DRG1: variants seen among roughly 807,000 people sequenced by gnomAD.
The protein encoded by DRG1 is developmentally regulated GTP binding protein 1.
DRG1 carries 19 observed loss-of-function variants against 38.8 expected under a neutral mutation model. The observed-to-expected ratio is 0.49, with a 90% confidence interval of 0.34 to 0.72. DRG1 has a LOEUF of 0.72. Among genes scored for constraint, DRG1 ranks in the 30% least tolerant of loss-of-function variants. DRG1 has a pLI of 0.01. For missense variants in DRG1, 299 were observed against 444.8 expected, an observed-to-expected ratio of 0.67 and a Z score of 2.95; for synonymous variants, 167 against 157.5, an observed-to-expected ratio of 1.06 and a Z score of -0.45.
intron 3 of DRG1, among the ~76,000 whole-genome samples, chr22:31,410,426 G>C (rs2050012008): frequency 6.6e-6 from 1 of 152,014 alleles, no homozygotes; most frequent in African/African-American, 2.4e-5. Context: ...CTGCACTCCA[G>C]CTTGGGCGGC....
chr22:31,407,447 C>T (rs1429524169), intron 3 of DRG1, among the ~76,000 whole-genome samples: 1 of 152,028 alleles, frequency 6.6e-6, no homozygotes, highest in East Asian at 1.9e-4. Flanking sequence ...GTGATCCTCC[C>T]ACCGTAGCCT....
chr22:31,400,421 C>T (rs746601680), intron 1 of DRG1, among the ~76,000 whole-genome samples, 199 bp from the exon 2 acceptor site: 1 of 152,070 alleles, frequency 6.6e-6, no homozygotes, highest in African/African-American at 2.4e-5. Context: ...TGACCTTAAT[C>T]GTCTTTCCTC....
intron 3 of DRG1, among the ~76,000 whole-genome samples, chr22:31,408,752 C>CAAAAA (rs66474618): frequency 1.8e-5 from 2 of 111,484 alleles, no homozygotes; most frequent in Admixed American, 1.0e-4. Flanking sequence ...GACTCATTCT[C>CAAAAA]AAAAAAAAAA....
intron 4 of DRG1, among the ~76,000 whole-genome samples, chr22:31,412,348 CTTTCT>C (rs1474464552): frequency 2.8e-5 from 4 of 144,622 alleles, no homozygotes; most frequent in Non-Finnish European, 3.0e-5. Flanking sequence ...TATTTTCTTT[CTTTCT>C]TTTTTTTTTT....
intron 3 of DRG1, among the ~76,000 whole-genome samples, chr22:31,405,945 C>T (rs373291375): frequency 6.6e-6 from 1 of 152,196 alleles, no homozygotes; most frequent in African/African-American, 2.4e-5. Context: ...GCCTCGGCCT[C>T]CCAAAGTGCT....
Position 31,433,910 on chromosome 22 carries a change from A to G in DRG1, c.1043A>G (p.Gln348Arg). The change falls in exon 9 of 9, where the codon CAG (glutamine) becomes CGG (arginine). Residue 348 changes from glutamine to arginine, a missense_variant. Gln to Arg is a conservative substitution (Grantham distance 43, BLOSUM62 1). Coordinates refer to ENST00000331457, the MANE Select transcript of DRG1 (RefSeq NM_004147.4). Reference protein sequence around the residue: ...VWGLSVKHNPQKVGKDHTLED... With the variant: ...VWGLSVKHNPRKVGKDHTLED... The stretch of plus-strand genomic sequence containing the variant: ...GGTCTCTCTGTGAAACACAATCCTC[A>G]GAAAGTGGGTAAAGACCATACGTTG... 1.2e-6 allele frequency: 2 copies of G among 1,614,140 alleles called. No homozygotes were observed. The highest frequency in any genetic ancestry group is 1.7e-6 in the Non-Finnish European group (2 of 1,179,964).
chr22:31,414,371 G>A (rs1030834732), intron 4 of DRG1, among the ~76,000 whole-genome samples: 2 of 151,960 alleles, frequency 1.3e-5, no homozygotes, highest in African/African-American at 2.4e-5. Context: ...TAGCTGAGGC[G>A]GGAGGATCAC....
In DRG1 at chr22:31,409,236, C is replaced by T. The variant is rs1404562154; in HGVS notation, c.343-1776C>T. On this transcript the variant is annotated intron_variant, in intron 3 of 8. Coordinates refer to ENST00000331457, the MANE Select transcript of DRG1 (RefSeq NM_004147.4). ...AGTAGCTGGGATTACAGGTGTGTGCCACCATACCCGGCTAATTTTTGTATT... is the reference window on the plus strand; with the variant it reads ...AGTAGCTGGGATTACAGGTGTGTGCTACCATACCCGGCTAATTTTTGTATT... Among the ~76,000 whole-genome samples, 4 of 152,046 alleles carry T rather than the reference C, an allele frequency of 2.6e-5. No homozygotes were observed. The South Asian group carries it at 6.2e-4, about 24-fold the overall frequency.
intron 8 of DRG1, among the ~76,000 whole-genome samples, chr22:31,431,031 C>CTG (rs2050136139): frequency 4.6e-5 from 4 of 87,672 alleles, no homozygotes; most frequent in African/African-American, 1.6e-4. Context: ...CCCCCCCCCC[C>CTG]CCGCTTTTTT....
intron 4 of DRG1, among the ~76,000 whole-genome samples, chr22:31,419,082 T>A (rs1438833063): frequency 6.6e-6 from 1 of 152,162 alleles, no homozygotes; most frequent in East Asian, 1.9e-4. Context: ...CCCAAAGTGC[T>A]GGGATTATAG....
Position 31,423,317 on chromosome 22 carries a change from G to T in DRG1, c.620G>T (p.Ser207Ile). The T allele has an allele frequency of 6.2e-7, 1 of 1,614,070 alleles. No individual in the cohort carries two copies. Among genetic ancestry groups the T allele is most frequent in the East Asian group, 2.2e-5 (1 of 44,874 alleles). ...GAGCTGGATGCTGAAACTGTGAAGA[G>T]CATTCTGGCTGAATACAAGATTCAT... ...QSELDAETVK[S>I]ILAEYKIHNA... The change falls in exon 6 of 9, where the codon AGC becomes ATC. Residue 207 changes from serine (S) to isoleucine (I), a missense_variant. Around this residue, in one of 3 missense-constraint regions of DRG1, gnomAD observed 198 missense variants for 268.1 expected, o/e 0.74. Transcript: ENST00000331457.
Position 31,399,637 on chromosome 22 carries a change from G to T in DRG1, c.-47G>T, listed in dbSNP as rs756397608. On this transcript the variant is annotated 5_prime_UTR_variant, in exon 1 of 9. Coordinates refer to ENST00000331457, the MANE Select transcript of DRG1 (RefSeq NM_004147.4). ...CTGGTGGCGGTGGCAGTTTGCCCGC[G>T]GGTGTGTGAAGGGAGACAGTGTGGA... The T allele has an allele frequency of 2.5e-6, 4 of 1,613,766 alleles. No homozygotes were observed. The highest frequency in any genetic ancestry group is 3.3e-5 in the Admixed American group (2 of 60,002).
Position 31,403,211 on chromosome 22 carries a change from C to T in DRG1, c.342+7C>T, listed in dbSNP as rs1569044806. The stretch of plus-strand genomic sequence containing the variant: ...CAAAGGTGCCAAGATCCAGGTGAGT[C>T]AAGCCTGCAGACTAAGGAAGGAAAG... On this transcript the variant is annotated splice_region_variant and intron_variant, in intron 3 of 8. Coordinates refer to ENST00000331457, the MANE Select transcript of DRG1 (RefSeq NM_004147.4). The T allele has an allele frequency of 6.2e-7, 1 of 1,600,692 alleles. No individual in the cohort carries two copies. The highest frequency in any genetic ancestry group is 8.5e-7 in the Non-Finnish European group (1 of 1,173,936).
chr22:31,411,082 G>A lies in DRG1; in HGVS notation c.412+1G>A. 1 of 1,613,754 alleles carries A rather than the reference G, an allele frequency of 6.2e-7. No individual in the cohort carries two copies. Among genetic ancestry groups the A allele is most frequent in the Non-Finnish European group, 8.5e-7 (1 of 1,179,764 alleles). On this transcript the variant is annotated splice_donor_variant, in intron 4 of 8. Coordinates refer to ENST00000331457, the MANE Select transcript of DRG1 (RefSeq NM_004147.4). LOFTEE classifies it high-confidence loss of function. ...GGTAGAGGTCGTCAAGTCATTGCAG[G>A]TGAGTGGTTTAAGTGCCACCATCCT...
chr22:31,414,064 C>T (rs1219300271), intron 4 of DRG1, among the ~76,000 whole-genome samples: 1 of 152,180 alleles, frequency 6.6e-6, no homozygotes, highest in Non-Finnish European at 1.5e-5. Flanking sequence ...GACACCAGTG[C>T]CCCTTCCTGG....
At chr22:31,432,406 T>C (rs2050144199) in intron 8 of DRG1, among the ~76,000 whole-genome samples, 1 of 151,348 alleles carries the variant, frequency 6.6e-6, no homozygotes, top group African/African-American at 2.4e-5. Context: ...ACTCTGTGCT[T>C]TGTGTTTTTT....
intron 8 of DRG1, among the ~76,000 whole-genome samples, chr22:31,431,035 C>T (rs866778723): frequency 1.3e-3 from 72 of 56,736 alleles, no homozygotes; most frequent in East Asian, 7.9e-3. Context: ...CCCCCCCCCG[C>T]TTTTTTTTTT....
At chr22:31,421,565 A>G (rs2050077083) in intron 5 of DRG1, among the ~76,000 whole-genome samples, 1 of 152,036 alleles carries the variant, frequency 6.6e-6, no homozygotes, top group African/African-American at 2.4e-5. Context: ...ATTTCAGTCA[A>G]GAGGGCATGT....
intron 4 of DRG1, among the ~76,000 whole-genome samples, chr22:31,412,171 G>A (rs1193034970): frequency 1.3e-5 from 2 of 150,990 alleles, no homozygotes; most frequent in Non-Finnish European, 3.0e-5. Flanking sequence ...GTGGGCGCCT[G>A]TAGTCCCAGC....
Sources: gnomAD v4.1 joint callset for allele counts (sites outside exome capture counted in the v4.1 genomes callset) on GRCh38, gnomAD v4.1.1 for gene constraint, gnomAD v4.1.1 regional missense constraint, MANE v1.5 for transcripts, NCBI Gene and HGNC (gene_info 2026-07-23, HGNC 2026-07-21) for gene names.